Variants in SNX24 observed in about 807,000 individuals in gnomAD.
The protein encoded by SNX24 is sorting nexin-24.
Under a neutral mutation model 28.7 loss-of-function variants are expected in SNX24, and 22 were observed. That is an observed-to-expected ratio of 0.77 (90% CI 0.55 to 1.10). The LOEUF (loss-of-function observed/expected upper bound fraction) is 1.10. SNX24 is among the 50% of genes least tolerant of loss of function. The probability of loss-of-function intolerance (pLI) is 0.00; values close to 1 mark genes in which losing one functional copy is unlikely to be tolerated. For missense variants in SNX24, 221 were observed against 201.1 expected, an observed-to-expected ratio of 1.10 and a Z score of -0.60; for synonymous variants, 69 against 71.5, an observed-to-expected ratio of 0.96 and a Z score of 0.18.
chr5:122,962,688 T>C (rs764966022), intron 3 of SNX24, among the ~76,000 whole-genome samples: 16 of 152,086 alleles, frequency 1.1e-4, no homozygotes, highest in Non-Finnish European at 1.8e-4. Context: ...ATATCAAAAA[T>C]AGGTATTTCA....
Position 123,020,076 on chromosome 5 carries a change from G to GA in SNX24, n.384-9156dup, listed in dbSNP as rs1448166844. On this transcript the variant is annotated intron_variant and non_coding_transcript_variant, in intron 5 of 5. Coordinates refer to the SNX24 transcript ENST00000502387. Reference sequence around the variant, plus strand: ...AGAAGTCAGGTATGCTCACAGTAGTGAAAAAACTAGATGGCATGTATCGCG... The same window carrying GA: ...AGAAGTCAGGTATGCTCACAGTAGTGAAAAAAACTAGATGGCATGTATCGCG... Among the ~76,000 whole-genome samples the GA allele has an allele frequency of 3.3e-5, 5 of 152,316 alleles. No homozygotes were observed. The East Asian group carries it at 9.7e-4, about 29-fold the overall frequency.
intron 3 of SNX24, among the ~76,000 whole-genome samples, chr5:122,958,910 A>G (rs1760340119): frequency 6.6e-6 from 1 of 152,082 alleles, no homozygotes; most frequent in Non-Finnish European, 1.5e-5. Context: ...TATTTTATTG[A>G]AGACTTTTGC....
At chr5:122,895,992 TA>T (rs1757187113) in intron 1 of SNX24, among the ~76,000 whole-genome samples, 1 of 151,826 alleles carries the variant, frequency 6.6e-6, no homozygotes, top group South Asian at 2.1e-4. Context: ...CTACTAAAAA[TA>T]CAAACATTAT....
intron 1 of SNX24, among the ~76,000 whole-genome samples, chr5:122,893,743 G>T (rs1757081748): frequency 3.3e-5 from 5 of 152,142 alleles, no homozygotes; most frequent in Admixed American, 3.3e-4. Context: ...TTAGAGTTCT[G>T]CATTCAAAAG....
chr5:122,927,310 G>A (rs975122057), intron 1 of SNX24, among the ~76,000 whole-genome samples: 4 of 152,130 alleles, frequency 2.6e-5, no homozygotes, highest in Admixed American at 6.5e-5. Flanking sequence ...TAACCGCTGC[G>A]TTATACTGCA....
intron 1 of SNX24, among the ~76,000 whole-genome samples, chr5:122,866,534 G>C (rs1755730107): frequency 6.6e-6 from 1 of 152,130 alleles, no homozygotes; most frequent in Non-Finnish European, 1.5e-5. Context: ...TTCTTTACCT[G>C]GTAGGTCACT....
rs748763751 is a variant in SNX24, at chr5:122,847,490, ATCTC to A, written c.60+1807_60+1810del. ...CCAGATTGGGAGCTAAACTGTTAAA[ATCTC>A]TCTCTCTCTTTTTTTTTTTGAGACA... On this transcript the variant is annotated intron_variant, in intron 1 of 6. Transcript: ENST00000261369. 4.1e-4 allele frequency among the ~76,000 whole-genome samples: 32 copies of A among 77,504 alleles called. No individual in the cohort carries two copies. The South Asian group carries it at 8.3e-3, about 20-fold the overall frequency. The allele number at this position is 77,504 out of a possible 152,430, so 50.8% of individuals were successfully genotyped here.
chr5:122,889,323 TA>T (rs1369318412), intron 1 of SNX24, among the ~76,000 whole-genome samples: 3 of 152,144 alleles, frequency 2.0e-5, no homozygotes, highest in Non-Finnish European at 4.4e-5. Context: ...TATCTATATC[TA>T]TATACACTCA....
chr5:122,953,623 A>G (rs370545770), intron 3 of SNX24, among the ~76,000 whole-genome samples: 4 of 152,148 alleles, frequency 2.6e-5, no homozygotes, highest in African/African-American at 9.7e-5. Context: ...TCCATTCTTC[A>G]GTAGAAACAT....
intron 3 of SNX24, among the ~76,000 whole-genome samples, chr5:122,957,820 T>C (rs2150135599): frequency 6.6e-6 from 1 of 152,336 alleles, no homozygotes; most frequent in East Asian, 1.9e-4. Flanking sequence ...ATTTCCTTTT[T>C]GGATTGTTTA....
At chr5:122,920,699 C>T (rs1395599499) in intron 1 of SNX24, among the ~76,000 whole-genome samples, 5 of 152,180 alleles carry the variant, frequency 3.3e-5, no homozygotes, top group Non-Finnish European at 7.3e-5. Flanking sequence ...ATTTTCCTAT[C>T]TGTGTGGCTA....
chr5:123,005,232 G>A (rs986101668), intron 6 of SNX24, among the ~76,000 whole-genome samples: 1 of 151,902 alleles, frequency 6.6e-6, no homozygotes, highest in Non-Finnish European at 1.5e-5. Flanking sequence ...TTTGTTCTTT[G>A]GCTTTGTCCT....
At chr5:122,894,564 G>T (rs1354093604) in intron 1 of SNX24, among the ~76,000 whole-genome samples, 1 of 152,116 alleles carries the variant, frequency 6.6e-6, no homozygotes, top group African/African-American at 2.4e-5. Flanking sequence ...AGGCATTGGG[G>T]TTGTTTTTCA....
chr5:122,905,197 G>T (rs915355495), intron 1 of SNX24, among the ~76,000 whole-genome samples: 14 of 152,172 alleles, frequency 9.2e-5, no homozygotes, highest in Non-Finnish European at 1.8e-4. Context: ...TAAGGATCCT[G>T]ATTCCATCCT....
intron 1 of SNX24, among the ~76,000 whole-genome samples, chr5:122,914,097 A>G (rs1758052572): frequency 6.6e-6 from 1 of 152,198 alleles, no homozygotes; most frequent in South Asian, 2.1e-4. Context: ...GAGGGAGACC[A>G]TGGAAAGAGA....
chr5:122,945,535 T>C (rs578054541), intron 2 of SNX24, among the ~76,000 whole-genome samples: 1 of 152,350 alleles, frequency 6.6e-6, no homozygotes, highest in African/African-American at 2.4e-5. Flanking sequence ...AAGTAATTGT[T>C]AGGAACATTG....
At chr5:122,963,718 T>C (rs1428874748) in intron 3 of SNX24, among the ~76,000 whole-genome samples, 1 of 152,214 alleles carries the variant, frequency 6.6e-6, no homozygotes, top group East Asian at 1.9e-4. Context: ...TTTAGCTTGA[T>C]GACTCCAGTT....
chr5:122,868,686 G>C (rs542185358), intron 1 of SNX24, among the ~76,000 whole-genome samples: 1 of 152,202 alleles, frequency 6.6e-6, no homozygotes, highest in East Asian at 1.9e-4. Context: ...CAAGTCACTT[G>C]ATAAATGGGC....
chr5:122,873,608 C>G (rs1410153373), intron 1 of SNX24, among the ~76,000 whole-genome samples: 6 of 152,010 alleles, frequency 3.9e-5, no homozygotes, highest in Non-Finnish European at 8.8e-5. Flanking sequence ...ATTTCATCAG[C>G]TCCAATATTT....
Sources: allele counts gnomAD v4.1 joint callset (sites outside exome capture counted in the v4.1 genomes callset), GRCh38; gene constraint gnomAD v4.1.1; transcripts MANE v1.5; gene names NCBI Gene and HGNC (gene_info 2026-07-23, HGNC 2026-07-21).